HEATR3: variants seen among roughly 807,000 people sequenced by gnomAD.
HEATR3 encodes the protein HEAT repeat containing 3, also known as HEAT repeat-containing protein 3.
A neutral mutation model predicts 72.8 loss-of-function variants in HEATR3; 56 were observed. That is an observed-to-expected ratio of 0.77 (90% CI 0.62 to 0.96). The LOEUF (loss-of-function observed/expected upper bound fraction) is 0.96, where lower values mean the gene tolerates loss of function less well. Among genes scored for constraint, HEATR3 ranks in the 40% least tolerant of loss-of-function variants. The pLI, the probability that HEATR3 is intolerant of heterozygous loss-of-function variation, is 0.00. For missense variants in HEATR3, 747 were observed against 831.4 expected (o/e 0.90, Z 1.25); for synonymous variants, 331 against 318.1 (o/e 1.04, Z -0.43).
At chr16:50,096,080 T>G (rs1282026971) in intron 12 of HEATR3, among the ~76,000 whole-genome samples, 1 of 151,982 alleles carries the variant, frequency 6.6e-6, no homozygotes. Context: ...ATCCCAGCAC[T>G]TTGGGAGGCT....
intron 6 of HEATR3, among the ~76,000 whole-genome samples, chr16:50,078,336 A>G (rs549560001): frequency 1.1e-4 from 17 of 152,306 alleles, no homozygotes; most frequent in Non-Finnish European, 2.1e-4. Context: ...ACCTACTCTC[A>G]TGTTTATATG....
intron 13 of HEATR3, among the ~76,000 whole-genome samples, chr16:50,101,755 C>T (rs1317379148): frequency 6.6e-6 from 1 of 151,916 alleles, no homozygotes; most frequent in South Asian, 2.1e-4. Flanking sequence ...TCCTATTTTA[C>T]GTTTTTTAGA....
Position 50,090,562 on chromosome 16 carries a change from A to G in HEATR3, c.1511-4143A>G, listed in dbSNP as rs181941384. 1.7e-3 allele frequency among the ~76,000 whole-genome samples: 253 copies of G among 152,346 alleles called. 2 individuals carry two copies. The highest frequency in any genetic ancestry group is 7.6e-4 in the Non-Finnish European group (52 of 68,024). On this transcript the variant is annotated intron_variant, in intron 11 of 14. Coordinates refer to ENST00000299192, the MANE Select transcript of HEATR3 (RefSeq NM_182922.4). The stretch of plus-strand genomic sequence containing the variant: ...TATGTTTGTGTCTGATATCAGAGAT[A>G]AAAGGAGCACATTTTAGTACAATCT...
intron 6 of HEATR3, among the ~76,000 whole-genome samples, chr16:50,076,442 C>T (rs1232471692): frequency 3.9e-5 from 6 of 152,150 alleles, no homozygotes; most frequent in East Asian, 1.9e-4. Flanking sequence ...CCCACCTTGA[C>T]CTCCTAAAGT....
At chr16:50,076,937 C>G (rs1876815041) in intron 6 of HEATR3, among the ~76,000 whole-genome samples, 1 of 150,242 alleles carries the variant, frequency 6.7e-6, no homozygotes, top group African/African-American at 2.5e-5. Context: ...GCGCGATCTC[C>G]ACTCACTGCA....
intron 13 of HEATR3, among the ~76,000 whole-genome samples, chr16:50,102,034 A>G (rs1418940096): frequency 6.6e-6 from 1 of 151,144 alleles, no homozygotes; most frequent in African/African-American, 2.4e-5. Flanking sequence ...TACATCATTT[A>G]TGGATTTTAA....
chr16:50,066,990 ATAATAT>A (rs1370173420), intron 2 of HEATR3: 1 of 158,552 alleles, frequency 6.3e-6, no homozygotes, highest in Non-Finnish European at 1.4e-5. Flanking sequence ...AAGGTAAAAC[ATAATAT>A]TAAATAGTGA....
In HEATR3 at chr16:50,086,338, T is replaced by A. The variant is rs1449066875; in HGVS notation, c.1497T>A (p.Leu499=). The change falls in exon 11 of 15, where the codon CTT becomes CTA. Residue 499 remains leucine (L), a synonymous_variant. Transcript: ENST00000299192. ...TTGCACAGCATCTGTCACAGCTGCTTTTTTCTCAACCAGGTATTTAGACTT... is the reference window on the plus strand; with the variant it reads ...TTGCACAGCATCTGTCACAGCTGCTATTTTCTCAACCAGGTATTTAGACTT... ...QTLAQHLSQL[L]FSQPDFAKHV... is the part of the protein sequence containing the mutation. 2 of 1,603,226 alleles carry A rather than the reference T, an allele frequency of 1.2e-6. No individual in the cohort carries two copies. Among genetic ancestry groups the A allele is most frequent in the Non-Finnish European group, 1.7e-6 (2 of 1,174,942 alleles).
intron 4 of HEATR3, among the ~76,000 whole-genome samples, chr16:50,071,956 T>G (rs2036622112): frequency 6.6e-6 from 1 of 152,214 alleles, no homozygotes; most frequent in Non-Finnish European, 1.5e-5. Context: ...AAATACTTAT[T>G]GTAATTTCTC....
chr16:50,068,756 A>G (rs759803242), intron 2 of HEATR3, 24 bp from the exon 3 acceptor site: 4 of 1,574,160 alleles, frequency 2.5e-6, no homozygotes, highest in Non-Finnish European at 3.5e-6. Flanking sequence ...TGAAAGTAAA[A>G]CATGTTTTAA....
chr16:50,068,268 CAGT>C (rs1317529895), intron 2 of HEATR3, among the ~76,000 whole-genome samples: 2 of 152,188 alleles, frequency 1.3e-5, no homozygotes, highest in Admixed American at 6.5e-5. Flanking sequence ...GTGTCATTCT[CAGT>C]AGCCCCACCT....
chr16:50,071,848 C>T (rs1282737502), intron 4 of HEATR3, among the ~76,000 whole-genome samples: 1 of 152,178 alleles, frequency 6.6e-6, no homozygotes, highest in Non-Finnish European at 1.5e-5. Context: ...AACATGGATA[C>T]AATTATTACA....
intron 6 of HEATR3, among the ~76,000 whole-genome samples, chr16:50,078,366 T>C (rs1189597669): frequency 1.3e-5 from 2 of 152,206 alleles, no homozygotes; most frequent in Admixed American, 1.3e-4. Context: ...CCTTGGAATT[T>C]TAGTGCATTC....
intron 7 of HEATR3, 53 bp downstream of exon 7, chr16:50,079,071 C>T: frequency 6.7e-7 from 1 of 1,497,086 alleles, no homozygotes; most frequent in Non-Finnish European, 9.0e-7. Context: ...TTTTTTTTTT[C>T]CAGCAGTTAT....
intron 11 of HEATR3, among the ~76,000 whole-genome samples, chr16:50,091,546 T>C (rs2037111353): frequency 6.6e-6 from 1 of 152,114 alleles, no homozygotes; most frequent in South Asian, 2.1e-4. Flanking sequence ...GTTGATGATG[T>C]ACCTACATTT....
chr16:50,105,854 AGCCACCGT>A lies in HEATR3; in HGVS notation c.*797_*804del, dbSNP rs1323132292. 1.3e-5 allele frequency: 2 copies of A among 151,974 alleles called. No individual in the cohort carries two copies. Among genetic ancestry groups the A allele is most frequent in the Admixed American group, 6.6e-5 (1 of 15,248 alleles). The allele number at this position is 151,974 out of a possible 1,614,324, so 9.4% of individuals were successfully genotyped here. A position where few individuals can be genotyped will look rare whatever the true frequency, so the allele number is the denominator to read the frequency against. ...CCAAAGTGCTGGGATTACAGGCATG[AGCCACCGT>A]GCCTGGCCAGAAACTCTTTTTTAAG... On this transcript the variant is annotated 3_prime_UTR_variant, in exon 15 of 15. Transcript: ENST00000299192.
chr16:50,066,492 G>A lies in HEATR3; in HGVS notation c.264G>A (p.Leu88=). ...RDAVRRLGPL[L]LDPSLAVRET... is the part of the protein sequence containing the mutation. ...CCGTGCGCCGCCTCGGGCCGCTGCT[G>A]CTAGACCCCAGCCTGGCCGTCAGGG... The change falls in exon 2 of 15, where the codon CTG becomes CTA. Residue 88 remains leucine (L), a synonymous_variant. Transcript: ENST00000299192. The A allele has an allele frequency of 7.5e-7, 1 of 1,338,232 alleles. No homozygotes were observed. The highest frequency in any genetic ancestry group is 2.0e-5 in the South Asian group (1 of 50,792). The allele number at this position is 1,338,232 out of a possible 1,614,324, so 82.9% of individuals were successfully genotyped here.
At chr16:50,074,076 A>G (rs943543457) in intron 5 of HEATR3, 2 of 152,254 alleles carry the variant, frequency 1.3e-5, no homozygotes, top group African/African-American at 4.8e-5. Context: ...AGAAATGCAT[A>G]TATGTGGATT....
chr16:50,078,221 G>T (rs999717228), intron 6 of HEATR3, among the ~76,000 whole-genome samples: 2 of 151,964 alleles, frequency 1.3e-5, no homozygotes, highest in African/African-American at 4.8e-5. Context: ...GTTCTTTTGG[G>T]TTTATAGTCA....
Sources: gnomAD v4.1 joint callset for allele counts (sites outside exome capture counted in the v4.1 genomes callset) on GRCh38, gnomAD v4.1.1 for gene constraint, MANE v1.5 for transcripts, NCBI Gene and HGNC (gene_info 2026-07-23, HGNC 2026-07-21) for gene names.